MTCL1: variants seen among roughly 807,000 people sequenced by gnomAD.
MTCL1 encodes the protein microtubule crosslinking factor 1, also known as microtubule cross-linking factor 1.
MTCL1 carries 79 observed loss-of-function variants against 141.4 expected under a neutral mutation model. That is an observed-to-expected ratio of 0.56 (90% CI 0.47 to 0.67). The LOEUF (loss-of-function observed/expected upper bound fraction) is 0.67. Ranked by LOEUF, MTCL1 falls within the 30% of genes least tolerant of loss-of-function variation. MTCL1 has a pLI of 0.00. For missense variants in MTCL1, 2,177 were observed against 2,113.9 expected, an observed-to-expected ratio of 1.03 and a Z score of -0.59; for synonymous variants, 914 against 875.8, an observed-to-expected ratio of 1.04 and a Z score of -0.77.
intron 1 of MTCL1, among the ~76,000 whole-genome samples, chr18:8,710,831 GGCTT>G: frequency 9.2e-6 from 1 of 108,142 alleles, no homozygotes; most frequent in East Asian, 3.3e-4. Context: ...TGGTATGGAA[GGCTT>G]TCTTTTTTTT....
Position 8,813,060 on chromosome 18 carries a change from G to A in MTCL1, c.2686G>A (p.Val896Met), listed in dbSNP as rs754278954. Residue 896 changes from valine to methionine, a missense_variant, in exon 12 of 17, where the codon GTG (valine) becomes ATG (methionine). By Grantham distance (21) the Val-to-Met change is conservative (BLOSUM62 1). Transcript: ENST00000359865. ...GGGGGCCTTGAAGAAGGAGAGAGAG[G>A]TGCACCAGAAGCTCCTGGCAGACAG... The A allele has an allele frequency of 2.5e-6, 4 of 1,614,216 alleles. No homozygotes were observed. The East Asian group carries it at 8.9e-5, about 36-fold the overall frequency.
chr18:8,825,468 C>T lies in MTCL1; in HGVS notation c.3958C>T (p.Gln1320Ter). Residue 1320 changes from glutamine to a stop codon, truncating the protein, a stop_gained, in exon 15 of 17, where the codon CAG (glutamine) becomes TAG (stop). Transcript: ENST00000359865. LOFTEE classifies it high-confidence loss of function. ...CAATGGGTCCCGGACGATGGGGACC[C>T]AGACTGTTCAGACCATCAGTGTGGG... 6.2e-7 allele frequency: 1 copy of T among 1,604,312 alleles called. No homozygotes were observed. Among genetic ancestry groups the T allele is most frequent in the Non-Finnish European group, 8.5e-7 (1 of 1,172,620 alleles).
chr18:8,826,265 C>T, intron 15 of MTCL1, 33 bp downstream of exon 14: 1 of 1,502,352 alleles, frequency 6.7e-7, no homozygotes, highest in Non-Finnish European at 8.9e-7. Context: ...CACCCTTCCC[C>T]ACCAGCTCTT....
rs924215293 is a variant in MTCL1, at chr18:8,762,951, C to T, written c.358-14882C>T. 3.3e-5 allele frequency among the ~76,000 whole-genome samples: 5 copies of T among 152,242 alleles called. No individual in the cohort carries two copies. In the East Asian group the frequency reaches 7.7e-4, roughly 24 times the overall value. ...CTGTTTCTGGGCTGAGTTATCTTTCCGTTTCTGTGTATTCTTTCTCCTCTT... is the reference window on the plus strand; with the variant it reads ...CTGTTTCTGGGCTGAGTTATCTTTCTGTTTCTGTGTATTCTTTCTCCTCTT... On this transcript the variant is annotated intron_variant, in intron 4 of 16. Coordinates refer to ENST00000359865, the Ensembl canonical transcript of MTCL1.
chr18:8,771,363 T>A (rs1288808634), intron 4 of MTCL1, among the ~76,000 whole-genome samples: 1 of 152,164 alleles, frequency 6.6e-6, no homozygotes, highest in African/African-American at 2.4e-5. Context: ...ATTTCCTTAA[T>A]CTGGTTTTAT....
exon 15 of MTCL1, chr18:8,826,188 G>A (rs753396705): frequency 6.2e-7 from 1 of 1,610,862 alleles, no homozygotes. Flanking sequence ...TCTCCACAGT[G>A]ACAGCCACTC....
chr18:8,810,153 C>A lies in MTCL1; in HGVS notation c.2605-2826C>A, dbSNP rs1209813638. The A allele has an allele frequency of 6.5e-6, 1 of 152,762 alleles. No homozygotes were observed. The highest frequency in any genetic ancestry group is 1.5e-5 in the Non-Finnish European group (1 of 68,502). 9.5% of individuals were successfully genotyped at this position (152,762 alleles called of 1,614,324 possible). A position where few individuals can be genotyped will look rare whatever the true frequency, so the allele number is the denominator to read the frequency against. On this transcript the variant is annotated intron_variant, in intron 11 of 16. Coordinates refer to ENST00000359865, the Ensembl canonical transcript of MTCL1. The surrounding 1 kb of genome is among the most constrained non-coding windows in gnomAD (Gnocchi z 5.0). ...GGATAAAAAGTTCTGTTGAACTTGG[C>A]AGTGAGGAGGGCACTGCAAAACTTG...
chr18:8,807,641 ACAC>A (rs1454924551), intron 11 of MTCL1, among the ~76,000 whole-genome samples: 1 of 152,154 alleles, frequency 6.6e-6, no homozygotes, highest in African/African-American at 2.4e-5. Flanking sequence ...CCTCCACCTC[ACAC>A]CACAGAGGGA....
chr18:8,726,515 G>A (rs568524662), intron 4 of MTCL1, among the ~76,000 whole-genome samples: 1 of 128,256 alleles, frequency 7.8e-6, no homozygotes, highest in Non-Finnish European at 1.6e-5. Context: ...GCGCAAGAGC[G>A]AGCGAGAGAG....
rs1330750969 is a variant in MTCL1 at position 8,830,311 on chromosome 18, G to A, written c.*19-1296G>A. On this transcript the variant is annotated intron_variant, in intron 16 of 16. Transcript: ENST00000359865. This position sits in a 1 kb window ranked among gnomAD's most constrained non-coding sequence, Gnocchi z 6.4. Reference sequence around the variant, plus strand: ...AAGCTTCTCCCTGTGGCCGTATGAAGTTCCAGCCACAAAAGCAGCAGGGAG... The same window carrying A: ...AAGCTTCTCCCTGTGGCCGTATGAAATTCCAGCCACAAAAGCAGCAGGGAG... 1.0e-6 allele frequency: 1 copy of A among 985,378 alleles called. No homozygotes were observed. The highest frequency in any genetic ancestry group is 1.1e-4 in the East Asian group (1 of 8,832). 61.0% of individuals were successfully genotyped at this position (985,378 alleles called of 1,614,324 possible). A position where few individuals can be genotyped will look rare whatever the true frequency, so the allele number is the denominator to read the frequency against.
intron 13 of MTCL1, 123 bp from the exon 13 acceptor site, chr18:8,821,344 C>G (rs1420500084): frequency 3.1e-6 from 2 of 635,008 alleles, no homozygotes; most frequent in African/African-American, 1.8e-5. Context: ...AGAGCTTGGC[C>G]TCAGTGCACA....
chr18:8,820,259 A>C (rs1018586711), intron 13 of MTCL1, among the ~76,000 whole-genome samples: 1 of 151,986 alleles, frequency 6.6e-6, no homozygotes, highest in Non-Finnish European at 1.5e-5. Flanking sequence ...AATACAAAAA[A>C]ATTAGCCAGG....
Position 8,724,617 on chromosome 18 carries a change from G to A in MTCL1, c.357+4121G>A, listed in dbSNP as rs78307663. 6.0e-3 allele frequency among the ~76,000 whole-genome samples: 906 copies of A among 152,136 alleles called. 20 individuals carry two copies. In the East Asian group the frequency reaches 0.072, roughly 12 times the overall value. ...TCACTCTGCTTAAACAGGCAGACTTGCCTTGGCTTGTCTTAACTCTTTTGC... is the reference window on the plus strand; with the variant it reads ...TCACTCTGCTTAAACAGGCAGACTTACCTTGGCTTGTCTTAACTCTTTTGC... On this transcript the variant is annotated intron_variant, in intron 4 of 16. Coordinates refer to ENST00000359865, the Ensembl canonical transcript of MTCL1.
At chr18:8,706,255 C>T (rs1331033902) in exon 1 of MTCL1, 4 of 1,228,886 alleles carry the variant, frequency 3.3e-6, no homozygotes, top group East Asian at 3.2e-5. Flanking sequence ...GTCCCCGGCC[C>T]GCTGCTCGCG....
intron 4 of MTCL1, among the ~76,000 whole-genome samples, chr18:8,747,372 C>T (rs923736508): frequency 6.6e-6 from 1 of 151,594 alleles, no homozygotes; most frequent in Non-Finnish European, 1.5e-5. Context: ...GGGCTGCAGT[C>T]CAAGATCAAG....
At chr18:8,790,001 G>C (rs2075664537) in intron 7 of MTCL1, among the ~76,000 whole-genome samples, 1 of 152,174 alleles carries the variant, frequency 6.6e-6, no homozygotes, top group African/African-American at 2.4e-5. Context: ...AGCAAAAATG[G>C]ACAATAAAGG....
chr18:8,786,120 C>CT, intron 7 of MTCL1, 29 bp downstream of exon 6: 1 of 1,345,742 alleles, frequency 7.4e-7, no homozygotes, highest in South Asian at 1.3e-5. Context: ...TCCCCCCCCC[C>CT]CGCCCTCCCC....
In MTCL1 at chr18:8,777,825, T is replaced by A. The variant is rs749859390; in HGVS notation, c.358-8T>A. ...TTGGTCACAGAATGTCACTTGGATC[T>A]ATTTCAGAGTTCCCTAAAAAGAAGA... On this transcript the variant is annotated splice_region_variant and splice_polypyrimidine_tract_variant and intron_variant, in intron 4 of 16. Transcript: ENST00000359865. 2.5e-5 allele frequency: 41 copies of A among 1,613,772 alleles called. No homozygotes were observed. Among genetic ancestry groups the A allele is most frequent in the Non-Finnish European group, 3.3e-5 (39 of 1,179,908 alleles).
At chr18:8,796,418 C>T (rs2075920973) in exon 9 of MTCL1, 6 of 1,614,018 alleles carry the variant, frequency 3.7e-6, no homozygotes, top group East Asian at 2.2e-5. Context: ...GAAACACTGG[C>T]GGCAAGGGAA....
Sources: gnomAD v4.1 joint callset for allele counts (sites outside exome capture counted in the v4.1 genomes callset) on GRCh38, gnomAD v4.1.1 for gene constraint, Gnocchi (gnomAD v3.1) non-coding constraint, MANE v1.5 for transcripts, NCBI Gene and HGNC (gene_info 2026-07-23, HGNC 2026-07-21) for gene names.